Variants in FGF14 observed in about 807,000 individuals in gnomAD.
FGF14 encodes fibroblast growth factor 14.
In FGF14, 5 loss-of-function variants were observed where a neutral mutation model predicts 25.5. The ratio of observed to expected loss-of-function variants is 0.20; its 90% CI spans 0.10 to 0.41. The LOEUF (loss-of-function observed/expected upper bound fraction) is 0.41. Ranked by LOEUF, FGF14 falls within the 10% of genes least tolerant of loss-of-function variation. The pLI, the probability that FGF14 is intolerant of heterozygous loss-of-function variation, is 1.00. For synonymous variants in FGF14, 138 were observed against 118.3 expected, an observed-to-expected ratio of 1.17 and a Z score of -1.08; for missense variants, 222 against 320.1, an observed-to-expected ratio of 0.69 and a Z score of 2.34.
At chr13:101,926,638 T>C (rs2034385315) in intron 1 of FGF14, among the ~76,000 whole-genome samples, 1 of 152,224 alleles carries the variant, frequency 6.6e-6, no homozygotes, top group Non-Finnish European at 1.5e-5. Flanking sequence ...ATGCCTTTCA[T>C]GAGATTTAAG....
chr13:101,788,875 TA>T (rs1256297215), intron 3 of FGF14, among the ~76,000 whole-genome samples: 3 of 18,632 alleles, frequency 1.6e-4, no homozygotes, highest in African/African-American at 2.9e-4. Flanking sequence ...TTTTTGACTA[TA>T]TATATATATA....
chr13:102,081,177 G>A (rs1566659918), intron 1 of FGF14, among the ~76,000 whole-genome samples: 3 of 152,214 alleles, frequency 2.0e-5, no homozygotes, highest in Admixed American at 6.5e-5. Flanking sequence ...CCTTCTATTT[G>A]GCTAAAGTGA....
chr13:102,111,219 A>G (rs1338377962), intron 1 of FGF14, among the ~76,000 whole-genome samples: 1 of 152,176 alleles, frequency 6.6e-6, no homozygotes, highest in Non-Finnish European at 1.5e-5. Flanking sequence ...ATCCCCTTCC[A>G]TTGGTGGATG....
intron 1 of FGF14, among the ~76,000 whole-genome samples, chr13:102,142,294 G>A (rs2046674657): frequency 6.6e-6 from 1 of 152,016 alleles, no homozygotes; most frequent in African/African-American, 2.4e-5. Context: ...ATGTAGCACT[G>A]TGGTAAAAAT....
At chr13:101,754,455 G>A (rs947560792) in intron 3 of FGF14, among the ~76,000 whole-genome samples, 7 of 152,190 alleles carry the variant, frequency 4.6e-5, no homozygotes, top group Admixed American at 6.5e-5. Flanking sequence ...ATGGCCAGGT[G>A]CAGTGGCTCA....
At chr13:102,260,747 G>A (rs1453329526) in intron 1 of FGF14, among the ~76,000 whole-genome samples, 1 of 152,166 alleles carries the variant, frequency 6.6e-6, no homozygotes, top group African/African-American at 2.4e-5. Flanking sequence ...ATCCTACCCA[G>A]CAACTTGCAG....
chr13:101,748,551 A>G (rs192896345), intron 3 of FGF14, among the ~76,000 whole-genome samples: 36 of 151,860 alleles, frequency 2.4e-4, no homozygotes, highest in African/African-American at 7.2e-4. Context: ...AAAAGCCCAT[A>G]CTTTACCACT....
chr13:101,881,747 A>T (rs2045722551), intron 1 of FGF14, among the ~76,000 whole-genome samples: 1 of 152,184 alleles, frequency 6.6e-6, no homozygotes, highest in African/African-American at 2.4e-5. Context: ...CCAGCAAAGA[A>T]GCTGTATGCT....
At chr13:102,052,391 G>A (rs960084086) in intron 1 of FGF14, among the ~76,000 whole-genome samples, 3 of 151,718 alleles carry the variant, frequency 2.0e-5, no homozygotes, top group African/African-American at 7.3e-5. Context: ...GGTACGAGAA[G>A]GTCAACAGAT....
At chr13:102,275,167 C>T (rs1770151807) in intron 1 of FGF14, among the ~76,000 whole-genome samples, 1 of 150,038 alleles carries the variant, frequency 6.7e-6, no homozygotes, top group Non-Finnish European at 1.5e-5. Context: ...GCATTTTGAC[C>T]TTGTGGGTAA....
intron 1 of FGF14, among the ~76,000 whole-genome samples, chr13:102,072,970 TCTTA>T (rs1438388652): frequency 2.0e-5 from 3 of 152,164 alleles, no homozygotes; most frequent in Non-Finnish European, 4.4e-5. Context: ...TGAAAATATA[TCTTA>T]CTTCTTACCG....
chr13:102,030,363 C>T (rs1256619230), intron 1 of FGF14, among the ~76,000 whole-genome samples: 1 of 151,942 alleles, frequency 6.6e-6, no homozygotes, highest in Admixed American at 6.6e-5. Context: ...AGGGACCCCA[C>T]GGGGTCAGTT....
rs1034464971 is a variant in FGF14, at chr13:102,298,741, T to C, written c.208+102730A>G. ...GTTAAGTGGCTTCTTAGATGAACAG[T>C]GCAAAGTGCCACATGAAAGCTGGAG... On this transcript the variant is annotated intron_variant, in intron 1 of 4. Transcript: ENST00000376131. Among the ~76,000 whole-genome samples the C allele has an allele frequency of 4.6e-5, 7 of 152,300 alleles. 1 individual carries two copies. The highest frequency in any genetic ancestry group is 7.2e-5 in the African/African-American group (3 of 41,586).
chr13:102,114,981 T>G (rs1197857688), intron 1 of FGF14, among the ~76,000 whole-genome samples: 2 of 152,178 alleles, frequency 1.3e-5, no homozygotes, highest in Non-Finnish European at 2.9e-5. Flanking sequence ...GCTCTTACAG[T>G]AAAATAAAAT....
Position 102,147,917 on chromosome 13 carries a change from A to G in FGF14, c.208+253554T>C, listed in dbSNP as rs369431943. Among the ~76,000 whole-genome samples, 142 of 152,372 alleles carry G rather than the reference A, an allele frequency of 9.3e-4. 3 individuals are homozygous for G. The South Asian group carries it at 0.027, about 29-fold the overall frequency. On this transcript the variant is annotated intron_variant, in intron 1 of 4. Transcript: ENST00000376131. ...TCTGTATGCCAGGCCATGCATTTAG[A>G]GAACTTCTTATGCACACACACATAA...
chr13:101,756,820 T>G (rs2037696265), intron 3 of FGF14, among the ~76,000 whole-genome samples: 1 of 152,140 alleles, frequency 6.6e-6, no homozygotes, highest in Non-Finnish European at 1.5e-5. Context: ...TCTACATATT[T>G]TCATACAATT....
intron 1 of FGF14, among the ~76,000 whole-genome samples, chr13:102,197,362 T>A (rs961071999): frequency 6.6e-6 from 1 of 152,122 alleles, no homozygotes; most frequent in Non-Finnish European, 1.5e-5. Context: ...AGGGGTACAC[T>A]GGAAGGTATC....
At chr13:102,337,977 G>A (rs2056837119) in intron 1 of FGF14, among the ~76,000 whole-genome samples, 1 of 152,086 alleles carries the variant, frequency 6.6e-6, no homozygotes, top group Admixed American at 6.6e-5. Flanking sequence ...AAATTCACAT[G>A]ACTCACTTTA....
At position 101,883,013 on chromosome 13, in the gene FGF14, G is replaced by A. The variant is rs187119956; in HGVS notation, c.194-7717C>T. 2.0e-3 allele frequency among the ~76,000 whole-genome samples: 310 copies of A among 151,444 alleles called. 1 individual carries two copies. Among genetic ancestry groups the A allele is most frequent in the African/African-American group, 7.1e-3 (293 of 41,234 alleles). On this transcript the variant is annotated intron_variant, in intron 1 of 4. Transcript: ENST00000376143. ...GAAAAGAGGCGGCATTCAGAGATAC[G>A]ATACCTATGAATCCAAGTAGACATC...
Sources: allele counts gnomAD v4.1 joint callset (sites outside exome capture counted in the v4.1 genomes callset), GRCh38; gene constraint gnomAD v4.1.1; transcripts MANE v1.5; gene names NCBI Gene and HGNC (gene_info 2026-07-23, HGNC 2026-07-21).